Variants in ZCCHC4 observed in about 807,000 individuals in gnomAD.
ZCCHC4 encodes the protein zinc finger CCHC-type containing 4.
ZCCHC4 carries 54 observed loss-of-function variants against 67.7 expected under a neutral mutation model. The ratio of observed to expected loss-of-function variants is 0.80; its 90% CI spans 0.64 to 1.00. The LOEUF (loss-of-function observed/expected upper bound fraction) is 1.00. Among genes scored for constraint, ZCCHC4 ranks in the 50% least tolerant of loss-of-function variants. The probability of loss-of-function intolerance (pLI) is 0.00; values close to 1 mark genes in which losing one functional copy is unlikely to be tolerated. For synonymous variants in ZCCHC4, 198 were observed against 213.5 expected (o/e 0.93, Z 0.63); for missense variants, 609 against 617.0 (o/e 0.99, Z 0.14).
At chr4:25,317,704 C>CAAAAAAA (rs778867924) in intron 3 of ZCCHC4, among the ~76,000 whole-genome samples, 30 of 72,264 alleles carry the variant, frequency 4.2e-4, no homozygotes, top group Admixed American at 5.9e-4. Flanking sequence ...GACGCTGTCA[C>CAAAAAAA]AAAAAAAAAA....
chr4:25,335,056 A>T (rs1719382197), intron 5 of ZCCHC4, among the ~76,000 whole-genome samples: 1 of 152,174 alleles, frequency 6.6e-6, no homozygotes, highest in African/African-American at 2.4e-5. Flanking sequence ...CCTGGCCTCA[A>T]GCAGTCCTCC....
intron 3 of ZCCHC4, among the ~76,000 whole-genome samples, chr4:25,329,533 CT>C (rs56340221): frequency 0.011 from 1,407 of 127,080 alleles, 12 homozygotes; most frequent in African/African-American, 0.027. Flanking sequence ...TTATATTTTC[CT>C]TTTTTTTTTT....
chr4:25,351,742 G>C, intron 8 of ZCCHC4, 53 bp downstream of exon 8: 1 of 1,424,268 alleles, frequency 7.0e-7, no homozygotes. Flanking sequence ...GATTCTACTT[G>C]AATAGATATA....
intron 8 of ZCCHC4, among the ~76,000 whole-genome samples, chr4:25,358,272 T>C (rs1441810306): frequency 6.6e-6 from 1 of 152,192 alleles, no homozygotes; most frequent in Non-Finnish European, 1.5e-5. Flanking sequence ...AGGCCTTGAA[T>C]AGTGTTTTAC....
chr4:25,360,931 A>G (rs1461356405), intron 8 of ZCCHC4, among the ~76,000 whole-genome samples: 3 of 152,208 alleles, frequency 2.0e-5, no homozygotes, highest in African/African-American at 7.2e-5. Context: ...GGCTGAACTT[A>G]GAGCATTGTG....
rs771346872 is a variant in ZCCHC4 at position 25,333,234 on chromosome 4, A to G, written c.381A>G (p.Thr127=). 9 of 1,614,196 alleles carry G rather than the reference A, an allele frequency of 5.6e-6. No homozygotes were observed. The highest frequency in any genetic ancestry group is 4.5e-5 in the East Asian group (2 of 44,882). Residue 127 remains threonine (T), a synonymous_variant, in exon 4 of 13, where the codon ACA becomes ACG. Transcript: ENST00000302874. ...TGACTCAGAGAAAGTTTTGTCAAAC[A>G]TGTCAGCAGTTGTTGTTACCAGATG... is the stretch of plus-strand genomic sequence containing the variant. ...LPLTQRKFCQ[T]CQQLLLPDDW... is the part of the protein sequence containing the mutation.
intron 8 of ZCCHC4, among the ~76,000 whole-genome samples, chr4:25,356,878 A>G (rs1188719432): frequency 6.6e-6 from 1 of 152,166 alleles, no homozygotes; most frequent in Non-Finnish European, 1.5e-5. Context: ...AGCCTCTAAT[A>G]GATAACATAT....
chr4:25,361,630 G>C (rs1365502485), intron 8 of ZCCHC4: 1 of 477,340 alleles, frequency 2.1e-6, no homozygotes, highest in East Asian at 3.6e-5. Flanking sequence ...CATGCCCAGA[G>C]AGAAAAAGCC....
chr4:25,312,792 C>T lies in ZCCHC4; in HGVS notation c.-18C>T. ...CATTCTTGTTTCGTACTGAGGCTTT[C>T]GGGACGGCGGCGGGAAGATGGCGGC... On this transcript the variant is annotated 5_prime_UTR_variant, in exon 1 of 13. Coordinates refer to ENST00000302874, the MANE Select transcript of ZCCHC4 (RefSeq NM_024936.3). The T allele has an allele frequency of 6.2e-7, 1 of 1,612,564 alleles. No individual in the cohort carries two copies. The highest frequency in any genetic ancestry group is 8.5e-7 in the Non-Finnish European group (1 of 1,179,798).
intron 8 of ZCCHC4, among the ~76,000 whole-genome samples, chr4:25,358,660 T>C (rs1720604114): frequency 1.3e-5 from 2 of 152,234 alleles, no homozygotes; most frequent in Non-Finnish European, 2.9e-5. Flanking sequence ...TAGTCAGGAG[T>C]AGGCCAAGGC....
chr4:25,336,765 G>A (rs145777324), intron 5 of ZCCHC4, among the ~76,000 whole-genome samples: 1 of 152,328 alleles, frequency 6.6e-6, no homozygotes, highest in African/African-American at 2.4e-5. Context: ...GGAATTACAG[G>A]TGTGAAACAC....
chr4:25,352,421 T>G (rs1720345309), intron 8 of ZCCHC4: 1 of 985,320 alleles, frequency 1.0e-6, no homozygotes, highest in South Asian at 4.7e-5. Context: ...CTTCTTTTTT[T>G]TTTTTGAGAC....
intron 12 of ZCCHC4, among the ~76,000 whole-genome samples, chr4:25,366,705 A>G (rs1389826022): frequency 6.6e-6 from 1 of 152,206 alleles, no homozygotes; most frequent in Non-Finnish European, 1.5e-5. Flanking sequence ...TTGCTGTACC[A>G]TTGTCAGTGT....
intron 8 of ZCCHC4, among the ~76,000 whole-genome samples, chr4:25,353,969 A>G (rs1198336211): frequency 1.3e-5 from 2 of 152,192 alleles, no homozygotes; most frequent in East Asian, 3.8e-4. Context: ...GCATAATTGT[A>G]TAAATTGGGG....
chr4:25,366,554 G>C lies in ZCCHC4; in HGVS notation c.1406+1388G>C, dbSNP rs185172475. 4.6e-5 allele frequency among the ~76,000 whole-genome samples: 7 copies of C among 152,232 alleles called. No individual in the cohort carries two copies. The East Asian group carries it at 1.4e-3, about 29-fold the overall frequency. On this transcript the variant is annotated intron_variant, in intron 12 of 12. Coordinates refer to ENST00000302874, the MANE Select transcript of ZCCHC4 (RefSeq NM_024936.3). Reference sequence around the variant, plus strand: ...GATGGTCTTGATCTCCTGACCTCGTGATCTGCCTGCCTTGGCCTCCCCAAG... The same window carrying C: ...GATGGTCTTGATCTCCTGACCTCGTCATCTGCCTGCCTTGGCCTCCCCAAG...
chr4:25,364,717 C>T (rs567020620), intron 11 of ZCCHC4, among the ~76,000 whole-genome samples: 2 of 152,250 alleles, frequency 1.3e-5, no homozygotes, highest in Non-Finnish European at 2.9e-5. Flanking sequence ...TTCAGTGTGG[C>T]GTTTGGTTTG....
chr4:25,317,789 T>C (rs1718349704), intron 3 of ZCCHC4, among the ~76,000 whole-genome samples: 1 of 150,778 alleles, frequency 6.6e-6, no homozygotes, highest in Non-Finnish European at 1.5e-5. Context: ...TTACATGAGA[T>C]ATTATTTAGT....
chr4:25,337,510 T>G (rs10018956), intron 5 of ZCCHC4, among the ~76,000 whole-genome samples: 95 of 152,326 alleles, frequency 6.2e-4, no homozygotes, highest in African/African-American at 2.1e-3. Context: ...GTGTTCTGAT[T>G]AGCCTGGCTG....
At chr4:25,360,347 A>G (rs1032030844) in intron 8 of ZCCHC4, among the ~76,000 whole-genome samples, 1 of 152,200 alleles carries the variant, frequency 6.6e-6, no homozygotes, top group Non-Finnish European at 1.5e-5. Context: ...CACCCATTTG[A>G]GCTGGATGTG....
Sources: allele counts gnomAD v4.1 joint callset (sites outside exome capture counted in the v4.1 genomes callset), GRCh38; gene constraint gnomAD v4.1.1; transcripts MANE v1.5; gene names NCBI Gene and HGNC (gene_info 2026-07-23, HGNC 2026-07-21).